The following SH3TC1 variants were observed in gnomAD, a reference collection of about 807,000 sequenced individuals.
The protein encoded by SH3TC1 is SH3 domain and tetratricopeptide repeat-containing protein 1.
In SH3TC1, 135 loss-of-function variants were observed where a neutral mutation model predicts 117.3. The observed-to-expected ratio is 1.15, with a 90% CI of 1.00 to 1.33. The LOEUF (loss-of-function observed/expected upper bound fraction) is 1.33. Among genes scored for constraint, SH3TC1 ranks in the 40% most tolerant of loss-of-function variants. SH3TC1 has a pLI of 0.00. For missense variants in SH3TC1, 2,092 were observed against 1,794.3 expected, an observed-to-expected ratio of 1.17 and a Z score of -3.00; for synonymous variants, 898 against 816.9, an observed-to-expected ratio of 1.10 and a Z score of -1.69.
At position 8,212,604 on chromosome 4, in the gene SH3TC1, A is replaced by C. The variant is rs377047235; in HGVS notation, c.248-97A>C. On this transcript the variant is annotated intron_variant, in intron 3 of 17. Coordinates refer to ENST00000245105, the MANE Select transcript of SH3TC1 (RefSeq NM_018986.5). ...GCTCACTGCCCAGGCCTTCGGGGTC[A>C]GGTGTGTGGGTTGGAGGCTGGCAGG... The C allele has an allele frequency of 6.3e-5, 97 of 1,543,284 alleles. No homozygotes were observed. The African/African-American group carries it at 1.2e-3, about 19-fold the overall frequency.
intron 1 of SH3TC1, among the ~76,000 whole-genome samples, chr4:8,203,066 G>GC (rs1244628386): frequency 6.6e-6 from 1 of 152,154 alleles, no homozygotes; most frequent in Admixed American, 6.5e-5. Flanking sequence ...CAGCCAACTT[G>GC]CCCCCCATGA....
chr4:8,235,670 A>G, intron 15 of SH3TC1, 115 bp downstream of exon 15: 1 of 1,369,456 alleles, frequency 7.3e-7, no homozygotes, highest in South Asian at 1.7e-5. Context: ...GCCCATGCAC[A>G]TGCTTAGTTT....
chr4:8,239,791 G>C (rs930209139), intron 17 of SH3TC1, among the ~76,000 whole-genome samples: 4 of 152,236 alleles, frequency 2.6e-5, no homozygotes, highest in Non-Finnish European at 5.9e-5. Flanking sequence ...TGGCCACCCT[G>C]TGTGATCAGT....
At position 8,240,880 on chromosome 4, in the gene SH3TC1, C is replaced by G; in HGVS notation, c.3936C>G (p.Asn1312Lys). The stretch of plus-strand genomic sequence containing the variant: ...CCAGGACCTTCGCCACAGAGCTCAA[C>G]GTCCGCAGGGTCAACCTGCCTCCTC... ...QKARTFATEL[N>K]VRRVNLPPLP... The change falls in exon 18 of 18, where the codon AAC (asparagine) becomes AAG (lysine). Residue 1312 changes from asparagine to lysine, a missense_variant. Transcript: ENST00000245105. 6.2e-7 allele frequency: 1 copy of G among 1,613,506 alleles called. No individual in the cohort carries two copies. Among genetic ancestry groups the G allele is most frequent in the Non-Finnish European group, 8.5e-7 (1 of 1,180,018 alleles).
chr4:8,235,725 G>A (rs927375462), intron 15 of SH3TC1, 170 bp downstream of exon 15: 3 of 934,918 alleles, frequency 3.2e-6, no homozygotes, highest in East Asian at 2.9e-5. Context: ...CCCCCCGCCC[G>A]GGACAAACAC....
rs755045255 is a variant in SH3TC1 at position 8,227,019 on chromosome 4, C to A, written c.1325C>A (p.Thr442Asn). The A allele has an allele frequency of 2.5e-6, 4 of 1,571,736 alleles. No homozygotes were observed. The highest frequency in any genetic ancestry group is 1.2e-5 in the South Asian group (1 of 86,166). ...TGCCTGAGCCTGGAGCCACAGGAGA[C>A]CTTGCAGAAGGTGAAGAATGTTCTG... The part of the protein sequence containing the change: ...PPCLSLEPQE[T>N]LQKVKNVLEQ... Residue 442 changes from threonine (T) to asparagine (N), a missense_variant, in exon 12 of 18, where the codon ACC becomes AAC. Coordinates refer to ENST00000245105, the MANE Select transcript of SH3TC1 (RefSeq NM_018986.5).
chr4:8,208,360 C>T (rs984075999), intron 2 of SH3TC1, among the ~76,000 whole-genome samples: 2 of 136,216 alleles, frequency 1.5e-5, no homozygotes, highest in African/African-American at 5.4e-5. Context: ...CCATTTGAAA[C>T]ATTTCTTTCT....
chr4:8,185,847 C>T (rs1717203920), intron 1 of SH3TC1, among the ~76,000 whole-genome samples: 1 of 152,218 alleles, frequency 6.6e-6, no homozygotes, highest in African/African-American at 2.4e-5. Context: ...GGCAAAGGGT[C>T]AGCACAGTCG....
chr4:8,196,771 G>T (rs1231419794), upstream of SH3TC1, among the ~76,000 whole-genome samples: 1 of 152,146 alleles, frequency 6.6e-6, no homozygotes, highest in Non-Finnish European at 1.5e-5. This position sits in a 1 kb window ranked among gnomAD's most constrained non-coding sequence, Gnocchi z 4.6. Context: ...GAAGGGTGGG[G>T]TGCTGAGGGC....
rs1448106470 is a variant in SH3TC1 at position 8,214,531 on chromosome 4, G to A, written c.432G>A (p.Thr144=). The change falls in exon 5 of 18, where the codon ACG becomes ACA. Residue 144 remains threonine (T), a synonymous_variant. Coordinates refer to ENST00000245105, the MANE Select transcript of SH3TC1 (RefSeq NM_018986.5). ...GTGACCAGGACCGGATCGTGGTGAC[G>A]TTTAAGACTTTTGAAGAAATCTGGA... is the stretch of plus-strand genomic sequence containing the variant. ...IHSDQDRIVV[T]FKTFEEIWKF... is the part of the protein sequence containing the mutation. 12 of 1,613,828 alleles carry A rather than the reference G, an allele frequency of 7.4e-6. No individual in the cohort carries two copies. Among genetic ancestry groups the A allele is most frequent in the African/African-American group, 2.7e-5 (2 of 74,910 alleles).
intron 10 of SH3TC1, among the ~76,000 whole-genome samples, chr4:8,224,428 G>A (rs551768461): frequency 5.9e-5 from 9 of 152,364 alleles, no homozygotes; most frequent in South Asian, 2.1e-4. Context: ...CCTCCACACC[G>A]TGGGGTGTTG....
intron 8 of SH3TC1, among the ~76,000 whole-genome samples, 182 bp downstream of exon 8, chr4:8,218,529 A>C (rs745521828): frequency 1.3e-5 from 2 of 152,162 alleles, no homozygotes; most frequent in African/African-American, 2.4e-5. Flanking sequence ...TTTTGTACCA[A>C]CCGAGTCTTC....
chr4:8,210,201 G>A lies in SH3TC1; in HGVS notation c.247+379G>A, dbSNP rs73798660. 8.5e-3 allele frequency among the ~76,000 whole-genome samples: 1,288 copies of A among 152,270 alleles called. 16 individuals carry two copies. The highest frequency in any genetic ancestry group is 0.029 in the African/African-American group (1,198 of 41,590). On this transcript the variant is annotated intron_variant, in intron 3 of 17. Transcript: ENST00000245105. This position sits in a 1 kb window ranked among gnomAD's most constrained non-coding sequence, Gnocchi z 4.1. ...CAGGCTTCCCAGGGATGGGATCGCC[G>A]CAGGGCACAGGTGGAGGGAGGCAGC...
At position 8,227,788 on chromosome 4, in the gene SH3TC1, G is replaced by C. The variant is rs771910935; in HGVS notation, c.2094G>C (p.Ser698=). 9 of 1,612,696 alleles carry C rather than the reference G, an allele frequency of 5.6e-6. No homozygotes were observed. The South Asian group carries it at 7.7e-5, about 14-fold the overall frequency. Residue 698 remains serine, a synonymous_variant, in exon 12 of 18, where the codon TCG becomes TCC. Transcript: ENST00000245105. ...LERLLLLHRD[S]GAPEAAWLSD... is the part of the protein sequence containing the mutation. ...GGCTGCTGCTTTTGCACAGGGACTC[G>C]GGAGCCCCAGAGGCCGCGTGGCTCT...
At chr4:8,235,755 A>AGGGTAAGGCCATTGC in intron 15 of SH3TC1, 200 bp downstream of exon 15, 1 of 637,570 alleles carries the variant, frequency 1.6e-6, no homozygotes, top group Non-Finnish European at 2.4e-6. Flanking sequence ...GGACACAGCA[A>AGGGTAAGGCCATTGC]TGGCCTTACC....
Position 8,186,049 on chromosome 4 carries a change from A to G in SH3TC1, c.-57+3839A>G, listed in dbSNP as rs1299908151. Among the ~76,000 whole-genome samples, 1 of 152,202 alleles carries G rather than the reference A, an allele frequency of 6.6e-6. No individual in the cohort carries two copies. The highest frequency in any genetic ancestry group is 1.5e-5 in the Non-Finnish European group (1 of 68,032). On this transcript the variant is annotated intron_variant, in intron 1 of 16. Coordinates refer to the SH3TC1 transcript ENST00000508641. This position sits in a 1 kb window ranked among gnomAD's most constrained non-coding sequence, Gnocchi z 5.2. ...AACATTTCCTACATTTTACGGTGAT[A>G]GGCAGGAGCTGTCCGCGCGGGCCCC...
intron 1 of SH3TC1, among the ~76,000 whole-genome samples, chr4:8,202,121 A>AG (rs1174887167): frequency 2.0e-5 from 3 of 152,198 alleles, no homozygotes; most frequent in Non-Finnish European, 4.4e-5. Flanking sequence ...CCTTGCAGGC[A>AG]GGGGCTTCCT....
intron 12 of SH3TC1, among the ~76,000 whole-genome samples, chr4:8,230,910 G>A (rs533053649): frequency 1.3e-5 from 2 of 151,738 alleles, no homozygotes; most frequent in South Asian, 4.2e-4. Flanking sequence ...CTCCTGAGTA[G>A]CTGGGATTAC....
Position 8,233,390 on chromosome 4 carries a change from CA to C in SH3TC1, c.3162del (p.Lys1054AsnfsTer90). On this transcript the variant is annotated frameshift_variant, in exon 14 of 18. Transcript: ENST00000245105. LOFTEE classifies it high-confidence loss of function. ...RAYKSALDYT[K>X]RSLGIFIDLQ... is the part of the protein sequence containing the mutation. Reference sequence around the variant, plus strand: ...CCTACAAATCCGCACTGGACTACACCAAACGAAGTCTGGGGATTTTCATTGA... The same window carrying C: ...CCTACAAATCCGCACTGGACTACACCAACGAAGTCTGGGGATTTTCATTGA... 1 of 1,613,354 alleles carries C rather than the reference CA, an allele frequency of 6.2e-7. No individual in the cohort carries two copies. Among genetic ancestry groups the C allele is most frequent in the Non-Finnish European group, 8.5e-7 (1 of 1,179,676 alleles).
Sources: allele counts gnomAD v4.1 joint callset (sites outside exome capture counted in the v4.1 genomes callset), GRCh38; gene constraint gnomAD v4.1.1; non-coding constraint Gnocchi (gnomAD v3.1); transcripts MANE v1.5; gene names NCBI Gene and HGNC (gene_info 2026-07-23, HGNC 2026-07-21).